Variants in PPFIA3 observed in about 807,000 individuals in gnomAD.
The protein encoded by PPFIA3 is PPFI scaffold protein A3.
A neutral mutation model predicts 145.8 loss-of-function variants in PPFIA3; 26 were observed. The ratio of observed to expected loss-of-function variants is 0.18; its 90% confidence interval spans 0.13 to 0.25. The LOEUF is 0.25. PPFIA3 is among the 10% of genes least tolerant of loss of function. PPFIA3 has a pLI of 1.00. For synonymous variants in PPFIA3, 645 were observed against 661.4 expected (o/e 0.98, Z 0.38); for missense variants, 1,008 against 1,587.8 (o/e 0.63, Z 6.21).
rs1568434996 is a variant in PPFIA3, at chr19:49,129,469, A to C, written c.582+15A>C. On this transcript the variant is annotated intron_variant, in intron 5 of 29. Coordinates refer to ENST00000334186, the MANE Select transcript of PPFIA3 (RefSeq NM_003660.4). The stretch of plus-strand genomic sequence containing the variant: ...GCAATCAGGAGGTGTGGGTGTGGCC[A>C]AGACAGGGAATTTGAATCCAAGGGG... 4 of 1,551,656 alleles carry C rather than the reference A, an allele frequency of 2.6e-6. No homozygotes were observed. The African/African-American group carries it at 5.5e-5, about 21-fold the overall frequency.
At position 49,127,966 on chromosome 19, in the gene PPFIA3, C is replaced by CATGGTCACG. The variant is rs2041022778; in HGVS notation, c.97_105dup (p.Val33_Met35dup). ...AGGCGGGCGGGGAGCTGGAGCGCCT[C>CATGGTCACG]ATGGTCACGATGCTCACGGAGCGCG... is the stretch of plus-strand genomic sequence containing the variant. On this transcript the variant is annotated inframe_insertion, in exon 2 of 30. Transcript: ENST00000334186. 1 of 1,595,680 alleles carries CATGGTCACG rather than the reference C, an allele frequency of 6.3e-7. No individual in the cohort carries two copies. The highest frequency in any genetic ancestry group is 1.7e-5 in the Admixed American group (1 of 59,874).
chr19:49,137,211 G>A (rs1233430676), intron 15 of PPFIA3: 2 of 290,490 alleles, frequency 6.9e-6, no homozygotes, highest in East Asian at 1.1e-4. Flanking sequence ...TTACGCCATC[G>A]ATTTTGTGGT....
chr19:49,144,712 CA>C lies in PPFIA3; in HGVS notation c.2746-1219del, dbSNP rs112328082. Among the ~76,000 whole-genome samples the C allele has an allele frequency of 4.0e-3, 556 of 138,892 alleles. 3 individuals carry two copies. Among genetic ancestry groups the C allele is most frequent in the African/African-American group, 0.011 (422 of 37,948 alleles). The allele number at this position is 138,892 out of a possible 152,430, so 91.1% of individuals were successfully genotyped here. A position where few individuals can be genotyped will look rare whatever the true frequency, so the allele number is the denominator to read the frequency against. On this transcript the variant is annotated intron_variant, in intron 21 of 29. Coordinates refer to ENST00000334186, the MANE Select transcript of PPFIA3 (RefSeq NM_003660.4). ...CTGGGTGACAGAGAAAGAGTGCATC[CA>C]AAAAAAAAAAAGTTTAGAATTTTGG...
In PPFIA3 at chr19:49,142,772, G is replaced by C. The variant is rs2041239551; in HGVS notation, c.2545-32G>C. On this transcript the variant is annotated intron_variant, in intron 20 of 29. Coordinates refer to ENST00000334186, the MANE Select transcript of PPFIA3 (RefSeq NM_003660.4). ...CGATTTTCTCCTCCTCTGTCCCTCT[G>C]TCCCCTCTGTCCCTCTGTCCCTCCG... 2.5e-6 allele frequency: 4 copies of C among 1,570,142 alleles called. No individual in the cohort carries two copies. In the South Asian group the frequency reaches 4.5e-5, roughly 18 times the overall value.
At chr19:49,131,342 T>C (rs1240459674) in intron 7 of PPFIA3, among the ~76,000 whole-genome samples, 1 of 146,736 alleles carries the variant, frequency 6.8e-6, no homozygotes. Context: ...CTAATTTTTT[T>C]TTTTTTTTTT....
Position 49,146,208 on chromosome 19 carries a change from C to A in PPFIA3, c.2835+16C>A, listed in dbSNP as rs757682307. 1.9e-6 allele frequency: 3 copies of A among 1,612,934 alleles called. No individual in the cohort carries two copies. On this transcript the variant is annotated intron_variant, in intron 23 of 29. Coordinates refer to ENST00000334186, the MANE Select transcript of PPFIA3 (RefSeq NM_003660.4). ...CTGGGAGCAGGTAGGGGGCGCGGGG[C>A]GGGGCGTGAGCGCATGAACAGGCTG...
intron 1 of PPFIA3, among the ~76,000 whole-genome samples, chr19:49,127,202 T>C (rs1368101422): frequency 6.7e-6 from 1 of 148,952 alleles, no homozygotes; most frequent in Non-Finnish European, 1.5e-5. Context: ...GCCAACATGG[T>C]GAAACCTTGT....
chr19:49,145,680 G>A, intron 21 of PPFIA3: 1 of 517,966 alleles, frequency 1.9e-6, no homozygotes, highest in South Asian at 2.1e-5. Context: ...GGTCAGCGAG[G>A]TGACGTCATT....
chr19:49,128,603 G>A lies in PPFIA3; in HGVS notation c.342+135G>A. 1 of 854,010 alleles carries A rather than the reference G, an allele frequency of 1.2e-6. No homozygotes were observed. The highest frequency in any genetic ancestry group is 1.8e-6 in the Non-Finnish European group (1 of 544,400). The allele number at this position is 854,010 out of a possible 1,614,324, so 52.9% of individuals were successfully genotyped here. On this transcript the variant is annotated intron_variant, in intron 3 of 29. Transcript: ENST00000334186. This position sits in a 1 kb window ranked among gnomAD's most constrained non-coding sequence, Gnocchi z 4.1. ...GCCTTTCTGTCTTCTCCTCTTCCCT[G>A]CTCCCACTTCCTGGCTGGTCTCCCA...
intron 13 of PPFIA3, among the ~76,000 whole-genome samples, chr19:49,135,558 G>C (rs1246449923): frequency 6.6e-6 from 1 of 151,756 alleles, no homozygotes; most frequent in Non-Finnish European, 1.5e-5. Flanking sequence ...ATTTTTAGTA[G>C]AGACAGGGCT....
At chr19:49,139,869 G>T in intron 17 of PPFIA3, 38 bp downstream of exon 17, 7 of 1,610,822 alleles carry the variant, frequency 4.3e-6, no homozygotes, top group Non-Finnish European at 5.9e-6. Flanking sequence ...GGAGAAGCTG[G>T]CTTGGGAAGA....
At chr19:49,145,197 G>A (rs951389962) in intron 21 of PPFIA3, among the ~76,000 whole-genome samples, 4 of 152,026 alleles carry the variant, frequency 2.6e-5, no homozygotes, top group African/African-American at 9.7e-5. Context: ...CTCCCGAAGT[G>A]CTAGACCACT....
chr19:49,132,655 G>T (rs1760496016), intron 7 of PPFIA3, among the ~76,000 whole-genome samples: 1 of 152,148 alleles, frequency 6.6e-6, no homozygotes, highest in Non-Finnish European at 1.5e-5. Context: ...CTTGCTGTTT[G>T]ATTCTAAGTC....
chr19:49,124,745 A>G (rs2040976265), intron 1 of PPFIA3, among the ~76,000 whole-genome samples: 1 of 152,076 alleles, frequency 6.6e-6, no homozygotes. Flanking sequence ...TCTGTGTTGC[A>G]TCGTCAGAGT....
intron 1 of PPFIA3, among the ~76,000 whole-genome samples, chr19:49,123,131 C>A (rs1486441944): frequency 1.3e-5 from 2 of 151,476 alleles, no homozygotes. Flanking sequence ...CGGGTTCAAA[C>A]AATTCTCCTG....
chr19:49,127,114 T>C (rs901946487), intron 1 of PPFIA3, among the ~76,000 whole-genome samples: 1 of 137,208 alleles, frequency 7.3e-6, no homozygotes, highest in Non-Finnish European at 1.5e-5. Flanking sequence ...TCAGGCGCGG[T>C]GGCTCACGTC....
chr19:49,136,749 G>C lies in PPFIA3; in HGVS notation c.1691G>C (p.Gly564Ala). The change falls in exon 15 of 30, where the codon GGC (glycine) becomes GCC (alanine). Residue 564 changes from glycine to alanine, a missense_variant. This residue lies in a region of PPFIA3 where 121 missense variants were observed against 138.2 expected (regional missense o/e 0.88). Transcript: ENST00000334186. ...SKDWERSAPA[G>A]SIPPPFPGEL... ...GATTGGGAGCGGTCTGCCCCTGCGG[G>C]CTCCATACCACCCCCATTCCCTGGG... 6.4e-7 allele frequency: 1 copy of C among 1,561,698 alleles called. No individual in the cohort carries two copies. Among genetic ancestry groups the C allele is most frequent in the Non-Finnish European group, 8.7e-7 (1 of 1,150,838 alleles).
At position 49,145,934 on chromosome 19, in the gene PPFIA3, G is replaced by A. The variant is rs976211614; in HGVS notation, c.2746-9G>A. On this transcript the variant is annotated splice_polypyrimidine_tract_variant and intron_variant, in intron 21 of 29. Coordinates refer to ENST00000334186, the MANE Select transcript of PPFIA3 (RefSeq NM_003660.4). ...CTCCCACCATCCATTAACACTCCCT[G>A]CCCCTCAGTCCACAGGAAACGTGTG... 2 of 1,613,524 alleles carry A rather than the reference G, an allele frequency of 1.2e-6. No individual in the cohort carries two copies. Among genetic ancestry groups the A allele is most frequent in the Admixed American group, 3.3e-5 (2 of 59,988 alleles).
intron 21 of PPFIA3, chr19:49,145,651 A>G: frequency 2.2e-6 from 1 of 444,674 alleles, no homozygotes; most frequent in Non-Finnish European, 4.1e-6. Flanking sequence ...CTGAATCCTC[A>G]TTCTGTACCT....
Sources: allele counts gnomAD v4.1 joint callset (sites outside exome capture counted in the v4.1 genomes callset), GRCh38; gene constraint gnomAD v4.1.1; regional missense constraint gnomAD v4.1.1; non-coding constraint Gnocchi (gnomAD v3.1); transcripts MANE v1.5; gene names NCBI Gene and HGNC (gene_info 2026-07-23, HGNC 2026-07-21).